CNTN3: variants seen among roughly 807,000 people sequenced by gnomAD.
The protein encoded by CNTN3 is contactin-3.
CNTN3 carries 60 observed loss-of-function variants against 119.1 expected under a neutral mutation model. That is an observed-to-expected ratio of 0.50 (90% CI 0.41 to 0.62). The LOEUF (loss-of-function observed/expected upper bound fraction) is 0.62, where lower values mean the gene tolerates loss of function less well. Ranked by LOEUF, CNTN3 falls within the 20% of genes least tolerant of loss-of-function variation. The probability of loss-of-function intolerance (pLI) is 0.00; values close to 1 mark genes in which losing one functional copy is unlikely to be tolerated. For missense variants in CNTN3, 1,101 were observed against 1,242.4 expected (o/e 0.89, Z 1.71); for synonymous variants, 450 against 438.7 (o/e 1.03, Z -0.32).
chr3:74,484,400 A>G (rs1451383975), intron 4 of CNTN3, among the ~76,000 whole-genome samples: 1 of 152,176 alleles, frequency 6.6e-6, no homozygotes, highest in Non-Finnish European at 1.5e-5. Flanking sequence ...AGGAAGTCAT[A>G]GGAAAGAACA....
At chr3:74,608,013 C>G (rs929766282) in intron 1 of CNTN3, among the ~76,000 whole-genome samples, 2 of 152,178 alleles carry the variant, frequency 1.3e-5, no homozygotes, top group African/African-American at 2.4e-5. Context: ...CAGATATATA[C>G]AATGTCACCA....
rs536190087 is a variant in CNTN3 at position 74,548,142 on chromosome 3, ACTGT to A, written c.-80-26954_-80-26951del. Among the ~76,000 whole-genome samples the A allele has an allele frequency of 7.9e-5, 12 of 152,230 alleles. No individual in the cohort carries two copies. The East Asian group carries it at 1.2e-3, about 15-fold the overall frequency. On this transcript the variant is annotated intron_variant, in intron 1 of 22. Transcript: ENST00000263665. ...TTCTATATTTTAGTCCACCAATCTAACTGTCTATTTTTATAACAAATCAGATGGA... is the reference window on the plus strand; with the variant it reads ...TTCTATATTTTAGTCCACCAATCTAACTATTTTTATAACAAATCAGATGGA...
intron 4 of CNTN3, among the ~76,000 whole-genome samples, chr3:74,462,147 A>G (rs987525751): frequency 1.1e-4 from 16 of 152,070 alleles, no homozygotes; most frequent in African/African-American, 3.4e-4. Context: ...CCAGCTACTT[A>G]AGATGTGCCT....
chr3:74,422,584 C>T (rs1322182259), intron 5 of CNTN3, among the ~76,000 whole-genome samples: 1 of 152,168 alleles, frequency 6.6e-6, no homozygotes, highest in East Asian at 1.9e-4. Context: ...GACATGTTCA[C>T]TCTGTGCATA....
In CNTN3 at chr3:74,363,577, A is replaced by C. The variant is rs537980443; in HGVS notation, c.1213+890T>G. Among the ~76,000 whole-genome samples the C allele has an allele frequency of 4.3e-3, 652 of 152,292 alleles. 5 individuals carry two copies. Among genetic ancestry groups the C allele is most frequent in the Non-Finnish European group, 6.6e-3 (448 of 68,014 alleles). On this transcript the variant is annotated intron_variant, in intron 10 of 22. Coordinates refer to ENST00000263665, the MANE Select transcript of CNTN3 (RefSeq NM_020872.3). Reference sequence around the variant, plus strand: ...TTGCTGACCATATGGATTGGTTCAGAAACAAGTATTAACCCAAATCAGGCT... The same window carrying C: ...TTGCTGACCATATGGATTGGTTCAGCAACAAGTATTAACCCAAATCAGGCT...
chr3:74,350,183 G>T (rs1703781503), intron 11 of CNTN3, among the ~76,000 whole-genome samples: 1 of 152,094 alleles, frequency 6.6e-6, no homozygotes, highest in Non-Finnish European at 1.5e-5. Flanking sequence ...CAATTCAGTT[G>T]ATTGTTCTAA....
At chr3:74,558,434 A>C (rs1418835797) in intron 1 of CNTN3, among the ~76,000 whole-genome samples, 1 of 152,208 alleles carries the variant, frequency 6.6e-6, no homozygotes, top group Admixed American at 6.5e-5. Context: ...TCTTATCTAC[A>C]TATCCCTAAG....
intron 4 of CNTN3, among the ~76,000 whole-genome samples, chr3:74,462,079 A>G (rs865974776): frequency 6.6e-6 from 1 of 151,984 alleles, no homozygotes; most frequent in Admixed American, 6.6e-5. Context: ...CAGAGTTCTT[A>G]GATCTAGTTG....
At chr3:74,436,314 G>A (rs145776842) in intron 4 of CNTN3, among the ~76,000 whole-genome samples, 220 of 152,234 alleles carry the variant, frequency 1.4e-3, no homozygotes, top group African/African-American at 5.2e-3. Context: ...TGTCTGCTCA[G>A]TAAGGCTAAG....
rs190499503 is a variant in CNTN3 at position 74,345,401 on chromosome 3, T to C, written c.1365-8743A>G. Among the ~76,000 whole-genome samples the C allele has an allele frequency of 2.7e-3, 410 of 152,320 alleles. 3 individuals carry two copies. The highest frequency in any genetic ancestry group is 0.014 in the Middle Eastern group (4 of 294). On this transcript the variant is annotated intron_variant, in intron 11 of 22. Coordinates refer to ENST00000263665, the MANE Select transcript of CNTN3 (RefSeq NM_020872.3). The stretch of plus-strand genomic sequence containing the variant: ...TTCATTTGCACTGCAGCACCTTCTC[T>C]GTATCTCAGGTTTTTGATTCTGAGC...
At chr3:74,605,058 C>T (rs1704968501) in intron 1 of CNTN3, among the ~76,000 whole-genome samples, 1 of 152,006 alleles carries the variant, frequency 6.6e-6, no homozygotes, top group Non-Finnish European at 1.5e-5. Flanking sequence ...AAGACAAATA[C>T]CACTTGATCT....
chr3:74,512,388 C>T (rs1703381914), intron 2 of CNTN3, among the ~76,000 whole-genome samples: 1 of 152,112 alleles, frequency 6.6e-6, no homozygotes, highest in Middle Eastern at 3.4e-3. Context: ...TCCTATTAAT[C>T]TGTGGAAGGT....
chr3:74,451,357 G>T (rs1355267880), intron 4 of CNTN3, among the ~76,000 whole-genome samples: 1 of 151,998 alleles, frequency 6.6e-6, no homozygotes, highest in Non-Finnish European at 1.5e-5. Context: ...TTTTTGATGG[G>T]GTTGTTTGTT....
chr3:74,442,795 C>T (rs1430335564), intron 4 of CNTN3, among the ~76,000 whole-genome samples: 1 of 152,182 alleles, frequency 6.6e-6, no homozygotes, highest in Non-Finnish European at 1.5e-5. Flanking sequence ...CACAGCATGA[C>T]TCTCACAGCA....
intron 1 of CNTN3, among the ~76,000 whole-genome samples, chr3:74,601,862 T>C (rs755590810): frequency 2.6e-5 from 4 of 152,102 alleles, no homozygotes; most frequent in Non-Finnish European, 4.4e-5. Context: ...ATCCCTGCAA[T>C]TGGCATGAGA....
At chr3:74,553,412 T>C (rs763008450) in intron 1 of CNTN3, among the ~76,000 whole-genome samples, 22 of 152,250 alleles carry the variant, frequency 1.4e-4, no homozygotes, top group Non-Finnish European at 2.8e-4. Flanking sequence ...GCATGTGTCT[T>C]TATCATAGAA....
At chr3:74,594,273 C>CTTTTTTTTTTTTTTT (rs59436860) in intron 1 of CNTN3, among the ~76,000 whole-genome samples, 3 of 112,040 alleles carry the variant, frequency 2.7e-5, no homozygotes, top group African/African-American at 6.0e-5. Flanking sequence ...TTCTTTTTTT[C>CTTTTTTTTTTTTTTT]TTTTTTTTTT....
intron 20 of CNTN3, among the ~76,000 whole-genome samples, chr3:74,276,337 A>G (rs747148000): frequency 6.6e-6 from 1 of 152,142 alleles, no homozygotes; most frequent in African/African-American, 2.4e-5. Flanking sequence ...CAGAATACAC[A>G]TTCTATTCAA....
chr3:74,428,409 G>A (rs1478437458), intron 4 of CNTN3, among the ~76,000 whole-genome samples: 1 of 152,112 alleles, frequency 6.6e-6, no homozygotes, highest in Non-Finnish European at 1.5e-5. Flanking sequence ...AGATGTGGAG[G>A]TGGAAGACAG....
Sources: allele counts gnomAD v4.1 joint callset (sites outside exome capture counted in the v4.1 genomes callset), GRCh38; gene constraint gnomAD v4.1.1; transcripts MANE v1.5; gene names NCBI Gene and HGNC (gene_info 2026-07-23, HGNC 2026-07-21).